The following ARPC2 variants were observed in gnomAD, a reference collection of about 807,000 sequenced individuals.
ARPC2 encodes the protein actin related protein 2/3 complex subunit 2.
Under a neutral mutation model 38.6 loss-of-function variants are expected in ARPC2, and 4 were observed. The observed-to-expected ratio is 0.10, with a 90% CI of 0.05 to 0.24. The LOEUF (loss-of-function observed/expected upper bound fraction) is 0.24. Among genes scored for constraint, ARPC2 ranks in the 10% least tolerant of loss-of-function variants. ARPC2 has a pLI of 1.00. For missense variants in ARPC2, 229 were observed against 387.3 expected (o/e 0.59, Z 3.43); for synonymous variants, 125 against 140.8 (o/e 0.89, Z 0.79).
At chr2:218,218,273 T>A (rs968730526) in intron 2 of ARPC2, among the ~76,000 whole-genome samples, 11 of 152,234 alleles carry the variant, frequency 7.2e-5, no homozygotes, top group Admixed American at 2.0e-4. Flanking sequence ...AATTCTTACA[T>A]CAAGACCCTA....
At chr2:218,245,832 A>G (rs12996912) in intron 8 of ARPC2, among the ~76,000 whole-genome samples, 61,544 of 151,986 alleles carry the variant, frequency 0.4, 14,694 homozygotes, top group South Asian at 0.61. Flanking sequence ...GGTCCCTTCA[A>G]TAGTTCAGCT....
chr2:218,222,875 A>G (rs543490442), intron 2 of ARPC2, among the ~76,000 whole-genome samples: 1 of 152,288 alleles, frequency 6.6e-6, no homozygotes, highest in Non-Finnish European at 1.5e-5. Flanking sequence ...CATATTAAGT[A>G]AGCACCGTGC....
At chr2:218,252,217 C>G (rs1690208155) in intron 10 of ARPC2, among the ~76,000 whole-genome samples, 1 of 151,992 alleles carries the variant, frequency 6.6e-6, no homozygotes, top group Non-Finnish European at 1.5e-5. Context: ...GAGCGAAACT[C>G]CATCTCAAAA....
chr2:218,244,051 T>G (rs1446091661), intron 7 of ARPC2, among the ~76,000 whole-genome samples: 1 of 152,240 alleles, frequency 6.6e-6, no homozygotes, highest in Non-Finnish European at 1.5e-5. Flanking sequence ...TTAACCCCTT[T>G]GTAGAATAAA....
chr2:218,245,587 A>C (rs556996185), intron 8 of ARPC2, 41 bp downstream of exon 8: 2 of 1,610,880 alleles, frequency 1.2e-6, no homozygotes, highest in African/African-American at 2.7e-5. Flanking sequence ...CGCTTTAATG[A>C]GTTCACACAG....
intron 3 of ARPC2, chr2:218,227,034 A>G (rs758762599): frequency 1.1e-5 from 5 of 456,602 alleles, no homozygotes; most frequent in Admixed American, 4.7e-5. Flanking sequence ...CCTTTCTACA[A>G]CAAGAGTCCT....
intron 4 of ARPC2, chr2:218,233,078 C>T (rs1430815634): frequency 1.3e-5 from 2 of 152,326 alleles, no homozygotes; most frequent in East Asian, 3.9e-4. Context: ...AGAAGGATCA[C>T]TTGAGCCTAG....
At chr2:218,217,292 C>T (rs930064371) in intron 1 of ARPC2, 38 bp downstream of exon 1, 2 of 620,576 alleles carry the variant, frequency 3.2e-6, no homozygotes, top group Admixed American at 5.8e-5. Flanking sequence ...AGTCTGCGTG[C>T]GTGGGCCAGC....
intron 8 of ARPC2, 146 bp downstream of exon 8, chr2:218,245,692 A>C: frequency 9.5e-7 from 1 of 1,056,734 alleles, no homozygotes; most frequent in Non-Finnish European, 1.4e-6. Flanking sequence ...GCAGTGACTA[A>C]AGGAGGGATG....
At chr2:218,238,201 A>G (rs1689818652) in intron 5 of ARPC2, among the ~76,000 whole-genome samples, 1 of 152,222 alleles carries the variant, frequency 6.6e-6, no homozygotes, top group African/African-American at 2.4e-5. Context: ...TTATCTTATT[A>G]TCACAAAGCT....
At chr2:218,240,776 C>T (rs971479964) in intron 7 of ARPC2, among the ~76,000 whole-genome samples, 13 of 152,162 alleles carry the variant, frequency 8.5e-5, no homozygotes, top group African/African-American at 3.1e-4. Flanking sequence ...ACCTGTAATC[C>T]CAGCCACTTG....
intron 6 of ARPC2, 102 bp from the exon 7 acceptor site, chr2:218,239,289 A>T (rs2106154121): frequency 1.3e-6 from 1 of 799,766 alleles, no homozygotes; most frequent in East Asian, 2.5e-5. Context: ...TTATGATTTA[A>T]GAGATTTATG....
intron 4 of ARPC2, chr2:218,229,065 C>G: frequency 2.5e-6 from 1 of 397,628 alleles, no homozygotes; most frequent in Non-Finnish European, 4.6e-6. Context: ...ACAAAAATAG[C>G]TTTAGTTCTC....
chr2:218,239,982 G>A (rs1432707832), intron 7 of ARPC2, among the ~76,000 whole-genome samples: 1 of 151,252 alleles, frequency 6.6e-6, no homozygotes, highest in South Asian at 2.1e-4. Flanking sequence ...TTGAGGTGGA[G>A]TCTTGCTCTG....
At chr2:218,225,292 T>C (rs1689471322) in intron 2 of ARPC2, among the ~76,000 whole-genome samples, 2 of 152,238 alleles carry the variant, frequency 1.3e-5, no homozygotes, top group African/African-American at 2.4e-5. Flanking sequence ...TGTGTTACAC[T>C]GTCTATTTTA....
intron 2 of ARPC2, among the ~76,000 whole-genome samples, chr2:218,223,587 T>C (rs1198238864): frequency 6.6e-6 from 1 of 152,242 alleles, no homozygotes; most frequent in Non-Finnish European, 1.5e-5. Flanking sequence ...ACTGCTGTAC[T>C]GCTGGACATA....
intron 2 of ARPC2, among the ~76,000 whole-genome samples, chr2:218,219,913 G>A (rs2106141698): frequency 6.6e-6 from 1 of 152,264 alleles, no homozygotes; most frequent in South Asian, 2.1e-4. Flanking sequence ...TCACCCAGTA[G>A]AAGCCCGAAT....
At chr2:218,246,563 G>T (rs1390913156) in intron 8 of ARPC2, among the ~76,000 whole-genome samples, 1 of 151,946 alleles carries the variant, frequency 6.6e-6, no homozygotes, top group Non-Finnish European at 1.5e-5. Flanking sequence ...AGGATAGGCG[G>T]GGCACAGTGG....
In ARPC2 at chr2:218,230,949, C is replaced by T. The variant is rs142993811; in HGVS notation, c.222+2099C>T. Among the ~76,000 whole-genome samples the T allele has an allele frequency of 4.0e-3, 614 of 152,292 alleles. 7 individuals are homozygous for T. Among genetic ancestry groups the T allele is most frequent in the Non-Finnish European group, 4.8e-3 (324 of 68,024 alleles). ...TCCTTTCCATTCTGTGCTTTTCTTA[C>T]GATGGAGCTCCAGAACACATTGCTA... On this transcript the variant is annotated intron_variant, in intron 4 of 10. Coordinates refer to ENST00000315717, the MANE Select transcript of ARPC2 (RefSeq NM_152862.3).
Sources: gnomAD v4.1 joint callset for allele counts (sites outside exome capture counted in the v4.1 genomes callset) on GRCh38, gnomAD v4.1.1 for gene constraint, MANE v1.5 for transcripts, NCBI Gene and HGNC (gene_info 2026-07-23, HGNC 2026-07-21) for gene names.